Variants in RALGPS2 observed in about 807,000 individuals in gnomAD.
RALGPS2 encodes the protein ras-specific guanine nucleotide-releasing factor RalGPS2.
A neutral mutation model predicts 86.8 loss-of-function variants in RALGPS2; 43 were observed. That is an observed-to-expected ratio of 0.50 (90% confidence interval 0.39 to 0.64). RALGPS2 has a LOEUF of 0.64. Among genes scored for constraint, RALGPS2 ranks in the 30% least tolerant of loss-of-function variants. The probability of loss-of-function intolerance (pLI) is 0.00; values close to 1 mark genes in which losing one functional copy is unlikely to be tolerated. For missense variants in RALGPS2, 536 were observed against 694.6 expected (o/e 0.77, Z 2.57); for synonymous variants, 243 against 231.3 (o/e 1.05, Z -0.46).
intron 4 of RALGPS2, among the ~76,000 whole-genome samples, chr1:178,797,809 T>G (rs1350097769): frequency 6.6e-6 from 1 of 152,084 alleles, no homozygotes; most frequent in Non-Finnish European, 1.5e-5. Flanking sequence ...TCTCTCCCTG[T>G]GCTACCTCTT....
At chr1:178,910,806 C>T (rs1012716443) in intron 19 of RALGPS2, among the ~76,000 whole-genome samples, 6 of 152,108 alleles carry the variant, frequency 3.9e-5, no homozygotes, top group East Asian at 3.9e-4. Flanking sequence ...TTTTCTTTCT[C>T]GATTTTTCGG....
intron 9 of RALGPS2, among the ~76,000 whole-genome samples, chr1:178,877,983 A>G (rs147430421): frequency 1.5e-3 from 224 of 152,184 alleles, no homozygotes; most frequent in South Asian, 3.1e-3. Flanking sequence ...GGCCCTTTAT[A>G]GTTTACAAAG....
intron 10 of RALGPS2, among the ~76,000 whole-genome samples, chr1:178,880,266 G>A (rs559761271): frequency 6.6e-6 from 1 of 152,150 alleles, no homozygotes; most frequent in South Asian, 2.1e-4. Flanking sequence ...AAAAAATTTT[G>A]TAGAACAGAA....
intron 6 of RALGPS2, among the ~76,000 whole-genome samples, chr1:178,820,639 AT>A: frequency 1.3e-5 from 2 of 152,236 alleles, no homozygotes; most frequent in South Asian, 2.1e-4. Flanking sequence ...TTGGATTTGT[AT>A]TTGTTTTCAT....
At position 178,782,525 on chromosome 1, in the gene RALGPS2, TC is replaced by T. The variant is rs369494179; in HGVS notation, c.58-1891del. On this transcript the variant is annotated intron_variant, in intron 2 of 19. Transcript: ENST00000367635. ...CCTCAACTTGAAGCCCCTCTAGACT[TC>T]CTGTCTCACCTAAGCAGAGCCAGGG... Among the ~76,000 whole-genome samples, 120 of 152,166 alleles carry T rather than the reference TC, an allele frequency of 7.9e-4. 4 individuals are homozygous for T. The East Asian group carries it at 0.022, about 28-fold the overall frequency.
chr1:178,893,861 C>T, intron 15 of RALGPS2, 58 bp from the exon 16 acceptor site: 2 of 1,083,218 alleles, frequency 1.8e-6, no homozygotes, highest in South Asian at 1.5e-5. Context: ...ATTTAAGTAC[C>T]TACTTGATGA....
intron 1 of RALGPS2, among the ~76,000 whole-genome samples, chr1:178,740,643 T>G (rs1421188086): frequency 6.6e-6 from 1 of 152,150 alleles, no homozygotes; most frequent in African/African-American, 2.4e-5. Context: ...CTGAGAGAAG[T>G]GCAAAATTCT....
At chr1:178,785,467 AT>A (rs1163953431) in intron 3 of RALGPS2, 89 bp from the exon 4 acceptor site, 8 of 1,345,814 alleles carry the variant, frequency 5.9e-6, no homozygotes, top group Non-Finnish European at 7.9e-6. Context: ...ATTTGGTAAT[AT>A]TTTAGTATAG....
chr1:178,892,163 G>C (rs1407413685), intron 14 of RALGPS2, 67 bp from the exon 15 acceptor site: 2 of 1,328,108 alleles, frequency 1.5e-6, no homozygotes, highest in Admixed American at 3.4e-5. Context: ...TACTGTTCTA[G>C]GTATTGATAA....
intron 4 of RALGPS2, among the ~76,000 whole-genome samples, chr1:178,802,789 T>TA (rs1273410449): frequency 6.6e-6 from 1 of 151,980 alleles, no homozygotes; most frequent in Non-Finnish European, 1.5e-5. Context: ...TGATAAATGT[T>TA]AACTTTTTTA....
chr1:178,780,744 C>G (rs1653351045), intron 2 of RALGPS2, among the ~76,000 whole-genome samples: 1 of 151,996 alleles, frequency 6.6e-6, no homozygotes, highest in Admixed American at 6.6e-5. Context: ...CTGGTGTGTC[C>G]CCTCCCCATC....
intron 2 of RALGPS2, among the ~76,000 whole-genome samples, chr1:178,779,965 A>C (rs1653308300): frequency 6.6e-6 from 1 of 152,058 alleles, no homozygotes; most frequent in African/African-American, 2.4e-5. Flanking sequence ...AATTCCTGAC[A>C]TCAGGTGATC....
At chr1:178,807,029 G>A (rs1011034979) in intron 4 of RALGPS2, among the ~76,000 whole-genome samples, 5 of 152,260 alleles carry the variant, frequency 3.3e-5, no homozygotes, top group Admixed American at 1.3e-4. Flanking sequence ...AAAATCTAGA[G>A]GTCAGTCTTA....
Position 178,885,121 on chromosome 1 carries a change from C to T in RALGPS2, c.950C>T (p.Ala317Val). The T allele has an allele frequency of 6.2e-7, 1 of 1,612,366 alleles. No homozygotes were observed. The highest frequency in any genetic ancestry group is 8.5e-7 in the Non-Finnish European group (1 of 1,179,482). The part of the protein sequence containing the change: ...ASPQSGRKSV[A>V]AEGALLPQTP... ...CCACAGAGTGGACGAAAAAGTGTGGCAGCTGAAGGAGCCTTGCTCCCACAG... is the reference window on the plus strand; with the variant it reads ...CCACAGAGTGGACGAAAAAGTGTGGTAGCTGAAGGAGCCTTGCTCCCACAG... The change falls in exon 12 of 20, where the codon GCA becomes GTA. Residue 317 changes from alanine (A) to valine (V), a missense_variant. Transcript: ENST00000367635.
chr1:178,844,464 A>G (rs1656770344), intron 8 of RALGPS2, among the ~76,000 whole-genome samples: 1 of 152,198 alleles, frequency 6.6e-6, no homozygotes, highest in South Asian at 2.1e-4. Flanking sequence ...TAAGAAGTAG[A>G]AATGTTTTCT....
At chr1:178,883,072 T>G (rs917018882) in intron 10 of RALGPS2, among the ~76,000 whole-genome samples, 1 of 152,214 alleles carries the variant, frequency 6.6e-6, no homozygotes, top group Non-Finnish European at 1.5e-5. Flanking sequence ...TTGGGGTAAT[T>G]GGGGAGATTT....
At chr1:178,894,045 A>G (rs375651639) in intron 16 of RALGPS2, 21 bp downstream of exon 16, 46 of 1,377,460 alleles carry the variant, frequency 3.3e-5, no homozygotes, top group Non-Finnish European at 4.4e-5. Context: ...ATCATATTAT[A>G]TTTTAATACA....
chr1:178,796,072 T>C (rs773740586), intron 4 of RALGPS2, among the ~76,000 whole-genome samples: 1 of 152,304 alleles, frequency 6.6e-6, no homozygotes, highest in East Asian at 1.9e-4. Flanking sequence ...CACTGTGAAC[T>C]TCTTTAATAT....
At chr1:178,808,396 C>T (rs892592446) in intron 5 of RALGPS2, among the ~76,000 whole-genome samples, 1 of 152,152 alleles carries the variant, frequency 6.6e-6, no homozygotes, top group African/African-American at 2.4e-5. Context: ...CTCAGATCTA[C>T]ATTTCAGTTC....
Sources: allele counts gnomAD v4.1 joint callset (sites outside exome capture counted in the v4.1 genomes callset), GRCh38; gene constraint gnomAD v4.1.1; transcripts MANE v1.5; gene names NCBI Gene and HGNC (gene_info 2026-07-23, HGNC 2026-07-21).